PLCXD1: variants seen among roughly 807,000 people sequenced by gnomAD.
The protein encoded by PLCXD1 is PI-PLC X domain-containing protein 1.
In PLCXD1, 45 loss-of-function variants were observed where a neutral mutation model predicts 37.8. The ratio of observed to expected loss-of-function variants is 1.19; its 90% CI spans 0.94 to 1.53. PLCXD1 has a LOEUF of 1.53. PLCXD1 is among the 40% of genes most tolerant of loss of function. The probability of loss-of-function intolerance (pLI) is 0.00; values close to 1 mark genes in which losing one functional copy is unlikely to be tolerated. For missense variants in PLCXD1, 539 were observed against 454.7 expected (o/e 1.19, Z -1.69); for synonymous variants, 246 against 206.9 (o/e 1.19, Z -1.62).
chrX:278,360 G>A (rs1424577821), upstream of PLCXD1, among the ~76,000 whole-genome samples: 4 of 152,046 alleles, frequency 2.6e-5, no homozygotes, highest in Non-Finnish European at 5.9e-5. Context: ...TACAGCTTTG[G>A]GTCCAGCCTG....
chrX:283,626 C>CCAGGCCCGGGTGGGGGCGGCCTTGGTGT (rs1569564387), intron 1 of PLCXD1: 2 of 78,558 alleles, frequency 2.5e-5, no homozygotes, highest in Non-Finnish European at 5.1e-5. Context: ...GGCCGTGTTG[C>CCAGGCCCGGGTGGGGGCGGCCTTGGTGT]CAGGCCCGGG....
chrX:292,858 C>A (rs888615744), intron 5 of PLCXD1, among the ~76,000 whole-genome samples, 177 bp from the exon 6 acceptor site: 1 of 152,080 alleles, frequency 6.6e-6, no homozygotes, highest in Non-Finnish European at 1.5e-5. Flanking sequence ...GGTGATCCAC[C>A]CACCTCGGCC....
intron 6 of PLCXD1, among the ~76,000 whole-genome samples, chrX:295,313 G>A (rs992791534): frequency 2.6e-5 from 4 of 152,132 alleles, no homozygotes; most frequent in African/African-American, 9.7e-5. Context: ...GGGAGGGAGG[G>A]AGGAAGGTCC....
At chrX:284,777 A>ACT (rs56280527) in intron 2 of PLCXD1, among the ~76,000 whole-genome samples, 1 of 151,906 alleles carries the variant, frequency 6.6e-6, no homozygotes, top group African/African-American at 2.4e-5. Flanking sequence ...TAATGGACTC[A>ACT]GTTCCACCTG....
rs756717117 is a variant in PLCXD1, at chrX:300,928, T to G, written c.*1593T>G. 1.3e-5 allele frequency: 2 copies of G among 152,184 alleles called. No homozygotes were observed. The highest frequency in any genetic ancestry group is 4.1e-4 in the South Asian group (2 of 4,822). 9.4% of individuals were successfully genotyped at this position (152,184 alleles called of 1,614,324 possible). A position where few individuals can be genotyped will look rare whatever the true frequency, so the allele number is the denominator to read the frequency against. On this transcript the variant is annotated 3_prime_UTR_variant, in exon 7 of 7. Transcript: ENST00000381657. ...GCGTTGGTCAGGCCGTTCTCAAACT[T>G]CTGACCTCAGGTGATCTGCCCGCCT...
rs976555911 is a variant in PLCXD1, at chrX:282,956, TTA to T, written c.-21-1205_-21-1204del. On this transcript the variant is annotated intron_variant, in intron 1 of 6. Transcript: ENST00000381657. ...ATGTTATATATATATTATATATATA[TTA>T]TATATGTATATATTATATGTATAAT... Among the ~76,000 whole-genome samples the T allele has an allele frequency of 9.9e-3, 1,425 of 143,614 alleles. 25 individuals carry two copies. The highest frequency in any genetic ancestry group is 0.035 in the African/African-American group (1,337 of 38,400). The allele number at this position is 143,614 out of a possible 152,430, so 94.2% of individuals were successfully genotyped here.
intron 3 of PLCXD1, among the ~76,000 whole-genome samples, chrX:289,715 G>A (rs979011715): frequency 6.2e-4 from 93 of 151,206 alleles, no homozygotes; most frequent in African/African-American, 2.2e-3. Context: ...GTTTCACTGT[G>A]TTAGCCAGGA....
At chrX:291,226 A>C (rs757707501) in intron 4 of PLCXD1, among the ~76,000 whole-genome samples, 51 of 151,566 alleles carry the variant, frequency 3.4e-4, no homozygotes, top group African/African-American at 1.0e-3. Context: ...GCTCACTGCA[A>C]CCTCTGCCTC....
rs2070036599 is a variant in PLCXD1 at position 302,212 on chromosome X, C to G, written c.*2877C>G. 6.6e-6 allele frequency: 1 copy of G among 151,308 alleles called. No individual in the cohort carries two copies. Among genetic ancestry groups the G allele is most frequent in the African/African-American group, 2.4e-5 (1 of 41,128 alleles). 9.4% of individuals were successfully genotyped at this position (151,308 alleles called of 1,614,324 possible). A position where few individuals can be genotyped will look rare whatever the true frequency, so the allele number is the denominator to read the frequency against. ...CAGGAGTAATTTCTTCTTTCAGTGG[C>G]CTCTCTGTGCTAGTCCCGGTCACCT... is the stretch of plus-strand genomic sequence containing the variant. On this transcript the variant is annotated 3_prime_UTR_variant, in exon 7 of 7. Transcript: ENST00000381657.
upstream of PLCXD1, chrX:276,415 C>G (rs1019453281): frequency 2.0e-5 from 3 of 152,256 alleles, no homozygotes; most frequent in African/African-American, 7.2e-5. Flanking sequence ...CTACCCCGTT[C>G]TCCTGATGGC....
At chrX:284,082 G>A in intron 1 of PLCXD1, 85 bp from the exon 2 acceptor site, 1 of 1,039,650 alleles carries the variant, frequency 9.6e-7, no homozygotes, top group Admixed American at 1.9e-5. Context: ...GTAGAGATGG[G>A]GTTTTGTCAA....
At position 302,494 on chromosome X, in the gene PLCXD1, A is replaced by G. The variant is rs2070048954; in HGVS notation, c.*3159A>G. On this transcript the variant is annotated 3_prime_UTR_variant, in exon 7 of 7. Transcript: ENST00000381657. ...CTGCAACCTCTGCCTCCCGGGTTCA[A>G]GTGATTCTCCTGCCTCAGCCTCCCG... 1.3e-5 allele frequency: 2 copies of G among 152,034 alleles called. No homozygotes were observed. Among genetic ancestry groups the G allele is most frequent in the South Asian group, 4.1e-4 (2 of 4,820 alleles). 9.4% of individuals were successfully genotyped at this position (152,034 alleles called of 1,614,324 possible).
chrX:282,403 A>C (rs1602833776), intron 1 of PLCXD1, among the ~76,000 whole-genome samples: 1 of 32,738 alleles, frequency 3.1e-5, no homozygotes, highest in South Asian at 5.7e-4. Flanking sequence ...AAAACAAAAC[A>C]AAAAAAAAAC....
chrX:299,249 A>G lies in PLCXD1; in HGVS notation c.886A>G (p.Thr296Ala). 2 of 1,613,946 alleles carry G rather than the reference A, an allele frequency of 1.2e-6. No homozygotes were observed. The highest frequency in any genetic ancestry group is 1.7e-6 in the Non-Finnish European group (2 of 1,179,866). ...EQCPGPGSRC[T>A]NIIAGDFIGA... ...GTGCCCGGGGCCGGGTTCACGGTGC[A>G]CCAACATCATCGCGGGGGACTTCAT... The change falls in exon 7 of 7, where the codon ACC becomes GCC. Residue 296 changes from threonine (T) to alanine (A), a missense_variant. Coordinates refer to ENST00000381657, the MANE Select transcript of PLCXD1 (RefSeq NM_018390.4).
chrX:280,235 G>A (rs747804009), upstream of PLCXD1, among the ~76,000 whole-genome samples: 1 of 152,150 alleles, frequency 6.6e-6, no homozygotes, highest in East Asian at 1.9e-4. Flanking sequence ...GGCCCTGCTG[G>A]GATGCTCCAG....
chrX:299,544 G>A lies in PLCXD1; in HGVS notation c.*209G>A. 1.7e-6 allele frequency: 1 copy of A among 600,568 alleles called. No individual in the cohort carries two copies. Among genetic ancestry groups the A allele is most frequent in the South Asian group, 2.0e-5 (1 of 49,964 alleles). The allele number at this position is 600,568 out of a possible 1,614,324, so 37.2% of individuals were successfully genotyped here. A position where few individuals can be genotyped will look rare whatever the true frequency, so the allele number is the denominator to read the frequency against. On this transcript the variant is annotated 3_prime_UTR_variant, in exon 7 of 7. Transcript: ENST00000381657. ...GGAGGCCGAGGTGGGTGGATCATGA[G>A]GTCAGGAGCTTGAGAGCAGCCTGAC... is the stretch of plus-strand genomic sequence containing the variant.
At chrX:291,080 T>C (rs1247586801) in intron 4 of PLCXD1, among the ~76,000 whole-genome samples, 1 of 151,126 alleles carries the variant, frequency 6.6e-6, no homozygotes, top group African/African-American at 2.4e-5. Flanking sequence ...AATGGAAGGG[T>C]GACGTCACCT....
upstream of PLCXD1, among the ~76,000 whole-genome samples, chrX:276,958 C>A (rs1435473713): frequency 6.6e-6 from 1 of 152,138 alleles, no homozygotes; most frequent in Non-Finnish European, 1.5e-5. Context: ...GTGTCTCACC[C>A]CGCCTGGCGG....
At chrX:289,510 C>CTTTTTTTTTTTTTTTTTTT (rs1281823641) in intron 3 of PLCXD1, among the ~76,000 whole-genome samples, 1 of 97,786 alleles carries the variant, frequency 1.0e-5, no homozygotes. Context: ...CTTTTTCTTT[C>CTTTTTTTTTTTTTTTTTTT]TTTTTCTTTT....
Sources: gnomAD v4.1 joint callset for allele counts (sites outside exome capture counted in the v4.1 genomes callset) on GRCh38, gnomAD v4.1.1 for gene constraint, MANE v1.5 for transcripts, NCBI Gene and HGNC (gene_info 2026-07-23, HGNC 2026-07-21) for gene names.